Variants in YBX1 observed in about 807,000 individuals in gnomAD.
YBX1 encodes the protein Y-box-binding protein 1.
A neutral mutation model predicts 41.4 loss-of-function variants in YBX1; 3 were observed. That is an observed-to-expected ratio of 0.07 (90% CI 0.03 to 0.19). YBX1 has a LOEUF of 0.19. Ranked by LOEUF, YBX1 falls within the 10% of genes least tolerant of loss-of-function variation. The pLI is 1.00. For synonymous variants in YBX1, 133 were observed against 165.8 expected, an observed-to-expected ratio of 0.80 and a Z score of 1.52; for missense variants, 274 against 462.8, an observed-to-expected ratio of 0.59 and a Z score of 3.74.
intron 2 of YBX1, among the ~76,000 whole-genome samples, chr1:42,685,383 G>T (rs1650169904): frequency 6.6e-6 from 1 of 152,094 alleles, no homozygotes; most frequent in Non-Finnish European, 1.5e-5. Context: ...CAAATTAACT[G>T]GTTAAAATGT....
chr1:42,693,371 A>G, intron 2 of YBX1, 119 bp from the exon 3 acceptor site: 1 of 1,179,638 alleles, frequency 8.5e-7, no homozygotes, highest in Non-Finnish European at 1.2e-6. Flanking sequence ...GTGTTTTTTG[A>G]TTTTTGCCAA....
Position 42,696,143 on chromosome 1 carries a change from T to C in YBX1, c.265-56T>C, listed in dbSNP as rs1451352292. The C allele has an allele frequency of 3.4e-6, 5 of 1,452,896 alleles. No individual in the cohort carries two copies. The highest frequency in any genetic ancestry group is 4.7e-6 in the Non-Finnish European group (5 of 1,062,100). The allele number at this position is 1,452,896 out of a possible 1,614,324, so 90.0% of individuals were successfully genotyped here. A position where few individuals can be genotyped will look rare whatever the true frequency, so the allele number is the denominator to read the frequency against. The stretch of plus-strand genomic sequence containing the variant: ...AATATTGACTCTGGTACATTTTAAA[T>C]GAAAAAGCACATTATTCTCCCCTGT... On this transcript the variant is annotated intron_variant, in intron 3 of 7. Coordinates refer to ENST00000321358, the MANE Select transcript of YBX1 (RefSeq NM_004559.5). This position sits in a 1 kb window ranked among gnomAD's most constrained non-coding sequence, Gnocchi z 5.7.
chr1:42,696,530 TCCTTAACTTTGTTG>T lies in YBX1; in HGVS notation c.355-111_355-98del. Reference sequence around the variant, plus strand: ...AGTTGCGCCCCCCCCCCCTTTTTTTTCCTTAACTTTGTTGTTTTTTGCTTTGTTTGAAAATGTTC... The same window carrying T: ...AGTTGCGCCCCCCCCCCCTTTTTTTTTTTTTTGCTTTGTTTGAAAATGTTC... On this transcript the variant is annotated intron_variant, in intron 4 of 7. Coordinates refer to ENST00000321358, the MANE Select transcript of YBX1 (RefSeq NM_004559.5). The surrounding 1 kb of genome is among the most constrained non-coding windows in gnomAD (Gnocchi z 5.7). 1.8e-6 allele frequency: 1 copy of T among 541,070 alleles called. No homozygotes were observed. Among genetic ancestry groups the T allele is most frequent in the Middle Eastern group, 3.8e-4 (1 of 2,624 alleles). The allele number at this position is 541,070 out of a possible 1,614,324, so 33.5% of individuals were successfully genotyped here.
chr1:42,691,862 TA>T (rs1309872801), intron 2 of YBX1, among the ~76,000 whole-genome samples: 2 of 149,646 alleles, frequency 1.3e-5, no homozygotes, highest in South Asian at 2.2e-4. Flanking sequence ...AAAAAAATTT[TA>T]TTTTTTTATT....
Position 42,694,589 on chromosome 1 carries a change from T to G in YBX1, c.264+1066T>G, listed in dbSNP as rs576447590. ...CATAGGAAGGGCTGTCATAGGTTGGTGCTTTGTAGCTCACTGAAGTGTCCT... is the reference window on the plus strand; with the variant it reads ...CATAGGAAGGGCTGTCATAGGTTGGGGCTTTGTAGCTCACTGAAGTGTCCT... On this transcript the variant is annotated intron_variant, in intron 3 of 7. Transcript: ENST00000321358. Among the ~76,000 whole-genome samples the G allele has an allele frequency of 2.6e-5, 4 of 152,326 alleles. No individual in the cohort carries two copies. The South Asian group carries it at 8.3e-4, about 32-fold the overall frequency.
At chr1:42,683,312 C>T (rs1435066503) in intron 1 of YBX1, 91 bp from the exon 2 acceptor site, 3 of 1,507,992 alleles carry the variant, frequency 2.0e-6, no homozygotes, top group Non-Finnish European at 2.8e-6. Flanking sequence ...CCGCGGCGGC[C>T]GGCGTGCGAG....
At chr1:42,700,694 G>C in intron 6 of YBX1, 87 bp from the exon 7 acceptor site, 1 of 1,261,028 alleles carries the variant, frequency 7.9e-7, no homozygotes, top group Non-Finnish European at 1.1e-6. Flanking sequence ...GACATGGTGA[G>C]TTAGTTGTGA....
Position 42,693,533 on chromosome 1 carries a change from T to C in YBX1, c.264+10T>C, listed in dbSNP as rs777053320. ...TGTATTTGTACACCAGGTGAGTGCT[T>C]GTGTAGATATTTGCACTTCTGATTC... On this transcript the variant is annotated intron_variant, in intron 3 of 7. Coordinates refer to ENST00000321358, the MANE Select transcript of YBX1 (RefSeq NM_004559.5). 41 of 1,613,114 alleles carry C rather than the reference T, an allele frequency of 2.5e-5. No homozygotes were observed. Among genetic ancestry groups the C allele is most frequent in the Non-Finnish European group, 3.5e-5 (41 of 1,179,230 alleles).
At chr1:42,690,560 A>T (rs752158279) in intron 2 of YBX1, among the ~76,000 whole-genome samples, 2 of 152,290 alleles carry the variant, frequency 1.3e-5, no homozygotes, top group South Asian at 2.1e-4. Flanking sequence ...GTGACCTGCA[A>T]ATCTAATTGT....
In YBX1 at chr1:42,695,655, G is replaced by C. The variant is rs114611987; in HGVS notation, c.265-544G>C. ...ATTCCATGCAGTCAGATCATATAAA[G>C]AATGACATAGTTAATACACATGAAT... On this transcript the variant is annotated intron_variant, in intron 3 of 7. Transcript: ENST00000321358. 1.3e-3 allele frequency among the ~76,000 whole-genome samples: 196 copies of C among 152,302 alleles called. 1 individual carries two copies. The highest frequency in any genetic ancestry group is 4.4e-3 in the African/African-American group (184 of 41,564).
Position 42,703,493 on chromosome 1 carries a change from C to T in YBX1, c.*1544C>T, listed in dbSNP as rs1310175053. Reference sequence around the variant, plus strand: ...CTACTCAAAAAAAATTTTTTTAACCCTACTTAGTGTAAATATCTGTACTGC... The same window carrying T: ...CTACTCAAAAAAAATTTTTTTAACCTTACTTAGTGTAAATATCTGTACTGC... On this transcript the variant is annotated 3_prime_UTR_variant, in exon 8 of 8. Coordinates refer to ENST00000321358, the MANE Select transcript of YBX1 (RefSeq NM_004559.5). Among the ~76,000 whole-genome samples, 1 of 151,964 alleles carries T rather than the reference C, an allele frequency of 6.6e-6. No individual in the cohort carries two copies. The highest frequency in any genetic ancestry group is 2.4e-5 in the African/African-American group (1 of 41,372).
intron 6 of YBX1, among the ~76,000 whole-genome samples, chr1:42,699,162 G>A (rs1270820044): frequency 6.6e-6 from 1 of 152,150 alleles, no homozygotes; most frequent in African/African-American, 2.4e-5. Context: ...AGAGAGGGTA[G>A]GGTTTTGCCC....
rs542649753 is a variant in YBX1, at chr1:42,687,376, C to T, written c.230+3910C>T. On this transcript the variant is annotated intron_variant, in intron 2 of 7. Coordinates refer to ENST00000321358, the MANE Select transcript of YBX1 (RefSeq NM_004559.5). ...CTTGGCTCACTGCAACTCCGCCTCC[C>T]AGGTTCAAGCGATTCTCCTGCCTCA... Among the ~76,000 whole-genome samples the T allele has an allele frequency of 1.1e-3, 162 of 152,192 alleles. 3 individuals are homozygous for T. The highest frequency in any genetic ancestry group is 9.7e-3 in the Admixed American group (148 of 15,292).
chr1:42,693,643 T>G, intron 3 of YBX1, 120 bp downstream of exon 3: 2 of 996,032 alleles, frequency 2.0e-6, no homozygotes, highest in Non-Finnish European at 3.1e-6. Flanking sequence ...TTTATTTACT[T>G]ACGACAGGAG....
chr1:42,696,638 G>T lies in YBX1; in HGVS notation c.355-4G>T. 1 of 1,532,362 alleles carries T rather than the reference G, an allele frequency of 6.5e-7. No individual in the cohort carries two copies. The highest frequency in any genetic ancestry group is 1.8e-4 in the Middle Eastern group (1 of 5,658). 94.9% of individuals were successfully genotyped at this position (1,532,362 alleles called of 1,614,324 possible). ...TCACTATCAATATGTAATGGCTTTT[G>T]TAGGGTGCGGAGGCAGCAAATGTTA... On this transcript the variant is annotated splice_polypyrimidine_tract_variant and splice_region_variant and intron_variant, in intron 4 of 7. Coordinates refer to ENST00000321358, the MANE Select transcript of YBX1 (RefSeq NM_004559.5). This position sits in a 1 kb window ranked among gnomAD's most constrained non-coding sequence, Gnocchi z 5.7.
intron 6 of YBX1, among the ~76,000 whole-genome samples, chr1:42,699,713 C>T (rs1201024227): frequency 2.0e-5 from 3 of 151,678 alleles, no homozygotes; most frequent in African/African-American, 7.3e-5. Flanking sequence ...TCCCCAAGTG[C>T]TAGGATTACA....
rs1048632015 is a variant in YBX1 at position 42,702,365 on chromosome 1, T to G, written c.*416T>G. On this transcript the variant is annotated 3_prime_UTR_variant, in exon 8 of 8. Transcript: ENST00000321358. ...CTTAAATAATTGTCTTTGTGTAAAT[T>G]TGTCTAGTTTTGCTTTAGTTTGTAA... 1 of 152,652 alleles carries G rather than the reference T, an allele frequency of 6.6e-6. No homozygotes were observed. Among genetic ancestry groups the G allele is most frequent in the Non-Finnish European group, 1.5e-5 (1 of 68,036 alleles). 9.5% of individuals were successfully genotyped at this position (152,652 alleles called of 1,614,324 possible). A position where few individuals can be genotyped will look rare whatever the true frequency, so the allele number is the denominator to read the frequency against.
At chr1:42,689,618 CA>C (rs1650281266) in intron 2 of YBX1, among the ~76,000 whole-genome samples, 1 of 152,084 alleles carries the variant, frequency 6.6e-6, no homozygotes, top group Admixed American at 6.5e-5. Flanking sequence ...GGAGGGGGGT[CA>C]AACATGGTGA....
At chr1:42,701,660 C>T (rs1570426796) in intron 7 of YBX1, among the ~76,000 whole-genome samples, 1 of 152,114 alleles carries the variant, frequency 6.6e-6, no homozygotes, top group African/African-American at 2.4e-5. Context: ...TAATAATTCT[C>T]TGGCAGACCA....
Sources: gnomAD v4.1 joint callset for allele counts (sites outside exome capture counted in the v4.1 genomes callset) on GRCh38, gnomAD v4.1.1 for gene constraint, Gnocchi (gnomAD v3.1) non-coding constraint, MANE v1.5 for transcripts, NCBI Gene and HGNC (gene_info 2026-07-23, HGNC 2026-07-21) for gene names.